FAM193A: variants seen among roughly 807,000 people sequenced by gnomAD.
FAM193A encodes the protein family with sequence similarity 193 member A.
In FAM193A, 22 loss-of-function variants were observed where a neutral mutation model predicts 126.5. That is an observed-to-expected ratio of 0.17 (90% confidence interval 0.12 to 0.25). The LOEUF is 0.25. Among genes scored for constraint, FAM193A ranks in the 10% least tolerant of loss-of-function variants. FAM193A has a pLI of 1.00. For synonymous variants in FAM193A, 761 were observed against 646.8 expected (o/e 1.18, Z -2.68); for missense variants, 1,675 against 1,672.8 (o/e 1.00, Z -0.02).
intron 6 of FAM193A, among the ~76,000 whole-genome samples, chr4:2,643,142 G>C (rs986508988): frequency 6.6e-6 from 1 of 152,102 alleles, no homozygotes; most frequent in Non-Finnish European, 1.5e-5. Context: ...CAACCAGCAC[G>C]TTCCCTGAGC....
chr4:2,563,678 C>A (rs963260502), intron 1 of FAM193A, among the ~76,000 whole-genome samples: 2 of 152,138 alleles, frequency 1.3e-5, no homozygotes, highest in African/African-American at 4.8e-5. Flanking sequence ...TCTTCATTGG[C>A]CATGTATGAA....
chr4:2,564,285 G>C (rs1308382847), intron 1 of FAM193A, among the ~76,000 whole-genome samples: 1 of 151,848 alleles, frequency 6.6e-6, no homozygotes, highest in Non-Finnish European at 1.5e-5. Context: ...GTCTCACTTT[G>C]TTGCCCAGGC....
At chr4:2,559,031 A>G (rs867049201) in intron 1 of FAM193A, among the ~76,000 whole-genome samples, 4 of 152,232 alleles carry the variant, frequency 2.6e-5, no homozygotes, top group African/African-American at 9.6e-5. Flanking sequence ...CAGCATAGGA[A>G]GACGGCTATA....
At chr4:2,584,768 TACAAAAATTAG>T (rs1740140028) in intron 1 of FAM193A, among the ~76,000 whole-genome samples, 1 of 151,868 alleles carries the variant, frequency 6.6e-6, no homozygotes, top group African/African-American at 2.4e-5. Flanking sequence ...TTACTAAAAA[TACAAAAATTAG>T]CTGGGCGTGG....
At chr4:2,631,831 C>T (rs1743620834) in intron 5 of FAM193A, among the ~76,000 whole-genome samples, 1 of 152,174 alleles carries the variant, frequency 6.6e-6, no homozygotes, top group Admixed American at 6.5e-5. Flanking sequence ...TACAAGTAGG[C>T]TGCGGTCAAT....
chr4:2,665,421 C>T (rs1712997453), intron 12 of FAM193A, among the ~76,000 whole-genome samples: 5 of 152,178 alleles, frequency 3.3e-5, no homozygotes, highest in Admixed American at 3.3e-4. Flanking sequence ...ATGTTGTCTG[C>T]AAATAAAGTT....
chr4:2,645,308 G>A (rs1290130899), intron 6 of FAM193A, among the ~76,000 whole-genome samples: 1 of 152,032 alleles, frequency 6.6e-6, no homozygotes, highest in African/African-American at 2.4e-5. Context: ...TAGGTATTAG[G>A]AACATGAATT....
chr4:2,726,109 C>T (rs1323179954), intron 20 of FAM193A, among the ~76,000 whole-genome samples: 6 of 152,108 alleles, frequency 3.9e-5, no homozygotes, highest in Non-Finnish European at 7.3e-5. Flanking sequence ...CCGTGTTAGC[C>T]AGGATGGTCT....
chr4:2,715,915 T>G (rs1719485647), intron 19 of FAM193A, 108 bp from the exon 20 acceptor site: 3 of 760,570 alleles, frequency 3.9e-6, no homozygotes, highest in East Asian at 2.5e-5. Flanking sequence ...AAAAAATGTT[T>G]ACAATTTTTG....
intron 20 of FAM193A, among the ~76,000 whole-genome samples, chr4:2,726,980 G>T (rs1238039118): frequency 1.4e-5 from 2 of 147,182 alleles, no homozygotes; most frequent in East Asian, 2.0e-4. Context: ...ATTGTGACCA[G>T]CCGGGCGCAG....
intron 1 of FAM193A, among the ~76,000 whole-genome samples, chr4:2,594,504 G>T (rs555718240): frequency 6.6e-6 from 1 of 152,294 alleles, no homozygotes; most frequent in South Asian, 2.1e-4. Context: ...ACCCTACACG[G>T]CAGGAGAGAC....
At chr4:2,637,733 C>T (rs1744227412) in intron 5 of FAM193A, among the ~76,000 whole-genome samples, 1 of 152,188 alleles carries the variant, frequency 6.6e-6, no homozygotes, top group African/African-American at 2.4e-5. Context: ...TATTTGAGCC[C>T]CTCTATGCTG....
intron 19 of FAM193A, among the ~76,000 whole-genome samples, chr4:2,707,642 T>A (rs554174162): frequency 2.4e-3 from 362 of 151,858 alleles, no homozygotes; most frequent in African/African-American, 7.4e-3. Flanking sequence ...TTAAAAAAAA[T>A]TTTTTTTAAT....
chr4:2,726,034 G>T (rs538727047), intron 20 of FAM193A, among the ~76,000 whole-genome samples: 2 of 152,140 alleles, frequency 1.3e-5, no homozygotes, highest in Non-Finnish European at 2.9e-5. Flanking sequence ...GAGTAGCTGC[G>T]ACTACAGGCG....
At chr4:2,627,843 C>T (rs1257280741) in intron 4 of FAM193A, among the ~76,000 whole-genome samples, 3 of 151,500 alleles carry the variant, frequency 2.0e-5, no homozygotes, top group South Asian at 2.1e-4. Flanking sequence ...CCTGGGTTCA[C>T]GCCGTTCTCC....
chr4:2,659,933 C>T lies in FAM193A; in HGVS notation c.1624C>T (p.Leu542Phe). Reference sequence around the variant, plus strand: ...TCAAGTGGATCCTGCTCCTGACTATCTTGCTGAGAGGAGCCCGCCCAGTGT... The same window carrying T: ...TCAAGTGGATCCTGCTCCTGACTATTTTGCTGAGAGGAGCCCGCCCAGTGT... ...PLQVDPAPDY[L>F]AERSPPSVSS... Residue 542 changes from leucine (L) to phenylalanine (F), a missense_variant, in exon 10 of 21, where the codon CTT becomes TTT. By Grantham distance (22) the Leu-to-Phe change is conservative (BLOSUM62 0). Around this residue, in one of 4 missense-constraint regions of FAM193A, gnomAD observed 1,186 missense variants for 1,109.2 expected, o/e 1.07. Coordinates refer to ENST00000637812, the MANE Select transcript of FAM193A (RefSeq NM_001366318.2). The T allele has an allele frequency of 6.2e-7, 1 of 1,614,198 alleles. No individual in the cohort carries two copies. The highest frequency in any genetic ancestry group is 8.5e-7 in the Non-Finnish European group (1 of 1,180,034).
At chr4:2,553,060 C>T (rs1738040049) in intron 1 of FAM193A, among the ~76,000 whole-genome samples, 2 of 151,936 alleles carry the variant, frequency 1.3e-5, no homozygotes, top group Admixed American at 6.6e-5. Flanking sequence ...GTTGGTCAGG[C>T]TGTTGTCAAA....
chr4:2,687,018 C>G (rs755069712), intron 13 of FAM193A, among the ~76,000 whole-genome samples: 2 of 152,084 alleles, frequency 1.3e-5, no homozygotes, highest in Non-Finnish European at 1.5e-5. Flanking sequence ...TTACTGTATC[C>G]TGGGTGGCCC....
chr4:2,673,928 A>G (rs1445575622), intron 13 of FAM193A, among the ~76,000 whole-genome samples: 1 of 152,216 alleles, frequency 6.6e-6, no homozygotes, highest in African/African-American at 2.4e-5. Context: ...GAAGAAAAAC[A>G]TGTTTTAGGA....
Sources: allele counts gnomAD v4.1 joint callset (sites outside exome capture counted in the v4.1 genomes callset), GRCh38; gene constraint gnomAD v4.1.1; regional missense constraint gnomAD v4.1.1; transcripts MANE v1.5; gene names NCBI Gene and HGNC (gene_info 2026-07-23, HGNC 2026-07-21).